The following PCDH9 variants were observed in gnomAD, a reference collection of about 807,000 sequenced individuals.
PCDH9 encodes the protein protocadherin-9.
PCDH9 carries 24 observed loss-of-function variants against 70.6 expected under a neutral mutation model. The ratio of observed to expected loss-of-function variants is 0.34; its 90% CI spans 0.25 to 0.48. The LOEUF (loss-of-function observed/expected upper bound fraction) is 0.48. PCDH9 is among the 20% of genes least tolerant of loss of function. PCDH9 has a pLI of 0.99. For missense variants in PCDH9, 1,281 were observed against 1,503.6 expected (o/e 0.85, Z 2.45); for synonymous variants, 562 against 558.5 (o/e 1.01, Z -0.09).
chr13:66,559,776 G>A (rs1344039980), intron 4 of PCDH9, among the ~76,000 whole-genome samples: 5 of 123,666 alleles, frequency 4.0e-5, no homozygotes, highest in African/African-American at 1.6e-4. Context: ...CTCCAGCCTG[G>A]GAGACAGAGC....
chr13:66,607,320 AAAAAGTAT>A (rs2077233320), intron 4 of PCDH9, among the ~76,000 whole-genome samples: 1 of 152,092 alleles, frequency 6.6e-6, no homozygotes, highest in African/African-American at 2.4e-5. Flanking sequence ...TTAGCAAAGA[AAAAAGTAT>A]AAAACTGCCT....
intron 4 of PCDH9, among the ~76,000 whole-genome samples, chr13:66,585,364 CA>C (rs57243754): frequency 6.6e-6 from 1 of 151,916 alleles, no homozygotes; most frequent in Non-Finnish European, 1.5e-5. Flanking sequence ...CCATCCCCCC[CA>C]AAAAATCTGA....
intron 4 of PCDH9, among the ~76,000 whole-genome samples, chr13:66,392,919 TA>T (rs1279117224): frequency 4.0e-5 from 6 of 151,838 alleles, no homozygotes; most frequent in Admixed American, 1.3e-4. Flanking sequence ...GGTAACACTT[TA>T]AAAACCCACT....
chr13:67,132,179 C>T (rs1225450702), intron 2 of PCDH9, among the ~76,000 whole-genome samples: 1 of 152,078 alleles, frequency 6.6e-6, no homozygotes. Context: ...AGTTGATTTT[C>T]CTGTCTATAA....
At chr13:66,992,649 T>C (rs1389172336) in intron 2 of PCDH9, among the ~76,000 whole-genome samples, 1 of 152,176 alleles carries the variant, frequency 6.6e-6, no homozygotes, top group Non-Finnish European at 1.5e-5. Context: ...TTTATATATA[T>C]AGGCTAATTG....
intron 3 of PCDH9, among the ~76,000 whole-genome samples, chr13:66,896,493 C>G (rs2082181324): frequency 6.6e-6 from 1 of 151,920 alleles, no homozygotes; most frequent in Non-Finnish European, 1.5e-5. Flanking sequence ...TGGATATTAA[C>G]ATTTACATAC....
chr13:66,768,918 G>C (rs1010775797), intron 3 of PCDH9, among the ~76,000 whole-genome samples: 6 of 151,746 alleles, frequency 4.0e-5, no homozygotes, highest in Admixed American at 1.3e-4. Context: ...AACAAACAAA[G>C]AAAAGCCCGT....
intron 4 of PCDH9, among the ~76,000 whole-genome samples, chr13:66,465,116 G>T (rs1958494707): frequency 6.6e-6 from 1 of 151,846 alleles, no homozygotes; most frequent in Non-Finnish European, 1.5e-5. Context: ...TGGGGGAAAT[G>T]TGACTTGGGT....
intron 4 of PCDH9, among the ~76,000 whole-genome samples, chr13:66,607,181 T>G (rs1279605905): frequency 6.6e-6 from 1 of 152,118 alleles, no homozygotes; most frequent in East Asian, 1.9e-4. Flanking sequence ...GTTTAAAACT[T>G]AAATTCAAGA....
intron 3 of PCDH9, among the ~76,000 whole-genome samples, chr13:66,674,442 C>T (rs564655817): frequency 6.6e-6 from 1 of 152,126 alleles, no homozygotes; most frequent in Admixed American, 6.5e-5. Flanking sequence ...ATTGACTTTA[C>T]ATGAAAAACA....
At chr13:66,751,687 C>A (rs2079461868) in intron 3 of PCDH9, among the ~76,000 whole-genome samples, 1 of 152,154 alleles carries the variant, frequency 6.6e-6, no homozygotes, top group African/African-American at 2.4e-5. Context: ...AATAAGGTAG[C>A]CACTTATGTG....
intron 4 of PCDH9, among the ~76,000 whole-genome samples, chr13:66,431,466 G>A (rs1431372695): frequency 6.6e-6 from 1 of 151,916 alleles, no homozygotes; most frequent in African/African-American, 2.4e-5. Context: ...TCTACTCCAT[G>A]ATCTTATTCA....
chr13:66,536,974 A>T (rs1566400244), intron 4 of PCDH9, among the ~76,000 whole-genome samples: 1 of 152,156 alleles, frequency 6.6e-6, no homozygotes, highest in South Asian at 2.1e-4. Flanking sequence ...ATTCTTTGAA[A>T]TCCCTTGGGG....
chr13:67,067,616 A>T (rs1016588904), intron 2 of PCDH9, among the ~76,000 whole-genome samples: 7 of 152,012 alleles, frequency 4.6e-5, no homozygotes, highest in Non-Finnish European at 1.0e-4. Flanking sequence ...TTTTTTAAAA[A>T]GTTTTTAAAA....
intron 4 of PCDH9, among the ~76,000 whole-genome samples, chr13:66,486,637 GAAAAAAAA>G (rs35868123): frequency 8.6e-6 from 1 of 116,098 alleles, no homozygotes. Flanking sequence ...TGCTATCTCA[GAAAAAAAA>G]AAAAAAAAAA....
intron 2 of PCDH9, among the ~76,000 whole-genome samples, chr13:67,118,460 A>C (rs1444810253): frequency 6.6e-6 from 1 of 152,158 alleles, no homozygotes; most frequent in Non-Finnish European, 1.5e-5. Flanking sequence ...GAAATGCATA[A>C]GCCAACAGTT....
chr13:67,084,390 A>G (rs2086050603), intron 2 of PCDH9, among the ~76,000 whole-genome samples: 2 of 152,110 alleles, frequency 1.3e-5, no homozygotes, highest in African/African-American at 2.4e-5. Flanking sequence ...TTGTTAAATA[A>G]AGCTTTTCTT....
chr13:66,566,403 C>T (rs2076652679), intron 4 of PCDH9, among the ~76,000 whole-genome samples: 1 of 152,058 alleles, frequency 6.6e-6, no homozygotes, highest in Non-Finnish European at 1.5e-5. Context: ...TCCAATTTTA[C>T]CTCCATAGAA....
chr13:66,904,836 TTTA>T (rs1485353384), intron 2 of PCDH9, among the ~76,000 whole-genome samples: 1 of 152,046 alleles, frequency 6.6e-6, no homozygotes, highest in Non-Finnish European at 1.5e-5. Context: ...AATTATCTCA[TTTA>T]TTTTTATTTG....
Sources: allele counts gnomAD v4.1 joint callset (sites outside exome capture counted in the v4.1 genomes callset), GRCh38; gene constraint gnomAD v4.1.1; transcripts MANE v1.5; gene names NCBI Gene and HGNC (gene_info 2026-07-23, HGNC 2026-07-21).